Variants in NECTIN2 observed in about 807,000 individuals in gnomAD.
NECTIN2 encodes the protein nectin cell adhesion molecule 2, also known as nectin-2.
A neutral mutation model predicts 56.9 loss-of-function variants in NECTIN2; 23 were observed. That is an observed-to-expected ratio of 0.40 (90% CI 0.29 to 0.57). NECTIN2 has a LOEUF of 0.57. Among genes scored for constraint, NECTIN2 ranks in the 20% least tolerant of loss-of-function variants. The pLI is 0.38. For missense variants in NECTIN2, 587 were observed against 718.3 expected, an observed-to-expected ratio of 0.82 and a Z score of 2.09; for synonymous variants, 302 against 313.8, an observed-to-expected ratio of 0.96 and a Z score of 0.40.
chr19:44,864,150 C>T (rs1368647247), intron 1 of NECTIN2, among the ~76,000 whole-genome samples: 1 of 147,964 alleles, frequency 6.8e-6, no homozygotes, highest in African/African-American at 2.5e-5. Flanking sequence ...GCCTGGGCAA[C>T]ATAGCGAGAC....
rs754949827 is a variant in NECTIN2 at position 44,888,198 on chromosome 19, C to T, written c.1436C>T (p.Pro479Leu). 35 of 1,614,034 alleles carry T rather than the reference C, an allele frequency of 2.2e-5. No homozygotes were observed. The highest frequency in any genetic ancestry group is 2.7e-5 in the Non-Finnish European group (32 of 1,180,024). The change falls in exon 9 of 9, where the codon CCG (proline) becomes CTG (leucine). Residue 479 changes from proline to leucine, a missense_variant. Coordinates refer to ENST00000252483, the MANE Select transcript of NECTIN2 (RefSeq NM_001042724.2). ...PGATSLGSPI[P>L]VPPGPPAVED... ...GCCACAAGCCTGGGGTCCCCCATCC[C>T]GGTGCCTCCAGGGCCACCTGCTGTG...
At position 44,887,067 on chromosome 19, in the gene NECTIN2, T is replaced by TTA. The variant is rs1396336658; in HGVS notation, c.1347+848_1347+849insTA. Among the ~76,000 whole-genome samples the TTA allele has an allele frequency of 2.0e-5, 3 of 149,898 alleles. No individual in the cohort carries two copies. In the East Asian group the frequency reaches 5.9e-4, roughly 30 times the overall value. On this transcript the variant is annotated intron_variant, in intron 8 of 8. Transcript: ENST00000252483. Reference sequence around the variant, plus strand: ...ATTAGGTCAATGAAAATTGATTATCTGGTCAGGCATGGTGGCTCACACCTG... The same window carrying TTA: ...ATTAGGTCAATGAAAATTGATTATCTTAGGTCAGGCATGGTGGCTCACACCTG...
At chr19:44,864,772 G>A (rs1180048257) in intron 1 of NECTIN2, among the ~76,000 whole-genome samples, 1 of 152,024 alleles carries the variant, frequency 6.6e-6, no homozygotes, top group Admixed American at 6.5e-5. Flanking sequence ...AGCTTGCAGT[G>A]AGCCGAGATC....
intron 5 of NECTIN2, chr19:44,878,094 C>A (rs747100039): frequency 1.2e-5 from 7 of 562,742 alleles, no homozygotes; most frequent in African/African-American, 1.9e-5. Context: ...CCCCCTCATT[C>A]TGGTCACTCC....
chr19:44,849,417 G>A (rs1199883663), intron 1 of NECTIN2, among the ~76,000 whole-genome samples: 1 of 152,102 alleles, frequency 6.6e-6, no homozygotes, highest in Non-Finnish European at 1.5e-5. Context: ...GGGTACAGGG[G>A]GCCTCAAGGC....
intron 5 of NECTIN2, chr19:44,878,621 C>A: frequency 6.3e-7 from 1 of 1,589,124 alleles, no homozygotes; most frequent in Non-Finnish European, 8.6e-7. Context: ...TTATGTGTGA[C>A]CTGGACACAG....
chr19:44,864,013 C>T (rs12981809), intron 1 of NECTIN2, among the ~76,000 whole-genome samples: 2 of 8,042 alleles, frequency 2.5e-4, no homozygotes, highest in South Asian at 4.8e-3. Flanking sequence ...TCAGAGGATT[C>T]CCCCCCCCCA....
intron 5 of NECTIN2, among the ~76,000 whole-genome samples, chr19:44,876,909 T>A (rs191886740): frequency 6.6e-6 from 1 of 152,174 alleles, no homozygotes; most frequent in East Asian, 1.9e-4. Context: ...CCTAGACATA[T>A]GAACAGACTC....
At chr19:44,871,570 A>AG (rs1270678916) in intron 2 of NECTIN2, among the ~76,000 whole-genome samples, 1 of 152,106 alleles carries the variant, frequency 6.6e-6, no homozygotes, top group Non-Finnish European at 1.5e-5. Context: ...ACACTTGGAT[A>AG]GGGCAGTGCA....
chr19:44,859,780 G>A (rs570458970), intron 1 of NECTIN2, among the ~76,000 whole-genome samples: 6 of 151,226 alleles, frequency 4.0e-5, no homozygotes, highest in Non-Finnish European at 8.8e-5. Context: ...AGTTGAGACC[G>A]TGCCACTGCA....
At chr19:44,858,056 A>G (rs529213458) in intron 1 of NECTIN2, among the ~76,000 whole-genome samples, 5 of 152,326 alleles carry the variant, frequency 3.3e-5, no homozygotes, top group Admixed American at 6.5e-5. Flanking sequence ...TGCCTCGGGC[A>G]TGGGTGGAGG....
intron 8 of NECTIN2, 43 bp downstream of exon 8, chr19:44,886,262 T>C (rs1425883279): frequency 6.6e-7 from 1 of 1,518,542 alleles, no homozygotes; most frequent in Non-Finnish European, 9.1e-7. Flanking sequence ...GGGGTCTGGG[T>C]TGAAGGGCCA....
At chr19:44,882,091 C>T in intron 5 of NECTIN2, 120 bp from the exon 6 acceptor site, 2 of 892,200 alleles carry the variant, frequency 2.2e-6, no homozygotes, top group Non-Finnish European at 1.5e-6. Context: ...GAAAGAATGT[C>T]CCCTGCCCAT....
Position 44,885,998 on chromosome 19 carries a change from A to C in NECTIN2, c.1258A>C (p.Met420Leu), listed in dbSNP as rs1345005457. 6.2e-7 allele frequency: 1 copy of C among 1,600,774 alleles called. No homozygotes were observed. ...AAAAGCGAAGCTGGAGGCACAGGAG[A>C]TGGTGAGCACTTTCCCTGGAGCCCA... is the stretch of plus-strand genomic sequence containing the variant. The part of the protein sequence containing the change: ...TPKAKLEAQE[M>L]PSQLFTLGAS... Residue 420 changes from methionine to leucine, a missense_variant and splice_region_variant, in exon 7 of 9, where the codon ATG becomes CTG. Physicochemically the swap from Met to Leu is conservative, Grantham distance 15 (BLOSUM62 2). Coordinates refer to ENST00000252483, the MANE Select transcript of NECTIN2 (RefSeq NM_001042724.2).
intron 1 of NECTIN2, among the ~76,000 whole-genome samples, chr19:44,858,390 T>C (rs1435177128): frequency 6.6e-6 from 1 of 152,196 alleles, no homozygotes; most frequent in East Asian, 1.9e-4. Context: ...CTATCGCCCA[T>C]GTTGGAGTGC....
intron 3 of NECTIN2, among the ~76,000 whole-genome samples, chr19:44,873,494 G>A (rs535263624): frequency 9.9e-5 from 15 of 152,280 alleles, no homozygotes; most frequent in Admixed American, 5.9e-4. Context: ...TTAGCTGGAC[G>A]TGGTGGTACA....
chr19:44,863,009 A>G (rs1365788952), intron 1 of NECTIN2, among the ~76,000 whole-genome samples: 1 of 111,614 alleles, frequency 9.0e-6, no homozygotes, highest in Non-Finnish European at 2.1e-5. Flanking sequence ...AAAAAAAAAA[A>G]AAATTAGCCG....
chr19:44,874,654 T>C lies in NECTIN2; in HGVS notation c.1042+176T>C, dbSNP rs898368110. On this transcript the variant is annotated intron_variant, in intron 5 of 8. Transcript: ENST00000252483. The surrounding 1 kb of genome is among the most constrained non-coding windows in gnomAD (Gnocchi z 6.3). ...TTCCCCTCGTGGCCTCAGACTGGGGTCTGGATTTGGGGTGTCGGGGTAGGT... is the reference window on the plus strand; with the variant it reads ...TTCCCCTCGTGGCCTCAGACTGGGGCCTGGATTTGGGGTGTCGGGGTAGGT... The C allele has an allele frequency of 1.7e-5, 13 of 758,064 alleles. No homozygotes were observed. In the African/African-American group the frequency reaches 1.9e-4, roughly 11 times the overall value. 47.0% of individuals were successfully genotyped at this position (758,064 alleles called of 1,614,324 possible).
intron 6 of NECTIN2, among the ~76,000 whole-genome samples, chr19:44,883,094 A>G (rs1157450951): frequency 6.6e-6 from 1 of 152,170 alleles, no homozygotes; most frequent in Admixed American, 6.6e-5. Context: ...TGTTAATAAA[A>G]GAAGAAAGGG....
Sources: allele counts gnomAD v4.1 joint callset (sites outside exome capture counted in the v4.1 genomes callset), GRCh38; gene constraint gnomAD v4.1.1; non-coding constraint Gnocchi (gnomAD v3.1); transcripts MANE v1.5; gene names NCBI Gene and HGNC (gene_info 2026-07-23, HGNC 2026-07-21).